The following MAGI1 variants were observed in gnomAD, a reference collection of about 807,000 sequenced individuals.
MAGI1 encodes membrane associated guanylate kinase, WW and PDZ domain containing 1, also known as membrane-associated guanylate kinase, WW and PDZ domain-containing protein 1.
MAGI1 carries 58 observed loss-of-function variants against 139.9 expected under a neutral mutation model. That is an observed-to-expected ratio of 0.41 (90% CI 0.34 to 0.52). The LOEUF is 0.52. Among genes scored for constraint, MAGI1 ranks in the 20% least tolerant of loss-of-function variants. MAGI1 has a pLI of 0.12. For synonymous variants in MAGI1, 812 were observed against 737.9 expected, an observed-to-expected ratio of 1.10 and a Z score of -1.63; for missense variants, 1,874 against 1,901.6, an observed-to-expected ratio of 0.99 and a Z score of 0.27.
rs191791051 is a variant in MAGI1, at chr3:65,831,199, C to T, written c.313+206797G>A. On this transcript the variant is annotated intron_variant, in intron 1 of 22. Transcript: ENST00000402939. ...AACCAGCACATTACTCTGCAACTTG[C>T]CACTGACTTAATGGACAACTTCAAG... Among the ~76,000 whole-genome samples the T allele has an allele frequency of 4.7e-4, 71 of 152,264 alleles. 1 individual carries two copies. The highest frequency in any genetic ancestry group is 1.7e-3 in the African/African-American group (71 of 41,548).
intron 10 of MAGI1, among the ~76,000 whole-genome samples, chr3:65,436,206 G>C (rs542226651): frequency 7.3e-5 from 11 of 150,650 alleles, no homozygotes; most frequent in Non-Finnish European, 1.6e-4. Flanking sequence ...TAAAATTAAA[G>C]AAATGAATTA....
intron 1 of MAGI1, among the ~76,000 whole-genome samples, chr3:65,773,916 AG>A (rs1177678312): frequency 6.6e-6 from 1 of 152,154 alleles, no homozygotes; most frequent in Non-Finnish European, 1.5e-5. Context: ...TTGCTGAACA[AG>A]GTACAAATTA....
At chr3:65,663,724 G>C (rs1217968500) in intron 1 of MAGI1, among the ~76,000 whole-genome samples, 3 of 152,130 alleles carry the variant, frequency 2.0e-5, no homozygotes, top group African/African-American at 4.8e-5. Flanking sequence ...CCGACATTTG[G>C]GGCTGCCTTG....
chr3:65,474,612 T>TACACACACAC lies in MAGI1; in HGVS notation c.757+3970_757+3979dup, dbSNP rs60798256. ...TAAATCAGAAGCTTCCAAGCTTTTA[T>TACACACACAC]ACACACACACACACACACACATGCA... is the stretch of plus-strand genomic sequence containing the variant. On this transcript the variant is annotated intron_variant, in intron 4 of 22. Coordinates refer to ENST00000402939, the MANE Select transcript of MAGI1 (RefSeq NM_001033057.2). Among the ~76,000 whole-genome samples the TACACACACAC allele has an allele frequency of 2.1e-4, 32 of 150,752 alleles. No individual in the cohort carries two copies. In the South Asian group the frequency reaches 2.9e-3, roughly 14 times the overall value.
At chr3:65,572,239 AT>A in intron 2 of MAGI1, among the ~76,000 whole-genome samples, 1 of 152,098 alleles carries the variant, frequency 6.6e-6, no homozygotes. Context: ...TAATTATCTC[AT>A]TTTTATAAAC....
At chr3:65,764,164 TATGATCAAC>T (rs1411135372) in intron 1 of MAGI1, among the ~76,000 whole-genome samples, 1 of 152,132 alleles carries the variant, frequency 6.6e-6, no homozygotes. Flanking sequence ...CGTTTCCTTT[TATGATCAAC>T]ATGAAATCCT....
chr3:65,789,656 A>G (rs750735826), intron 1 of MAGI1, among the ~76,000 whole-genome samples: 4 of 152,206 alleles, frequency 2.6e-5, no homozygotes, highest in Non-Finnish European at 5.9e-5. Flanking sequence ...TTTAAGTATT[A>G]AAGGACAGAA....
chr3:65,819,201 T>C (rs140718771), intron 1 of MAGI1, among the ~76,000 whole-genome samples: 1 of 152,082 alleles, frequency 6.6e-6, no homozygotes, highest in Non-Finnish European at 1.5e-5. Context: ...GGAGAATCAC[T>C]TGAACCTGGG....
At chr3:65,779,119 T>C (rs2038725277) in intron 1 of MAGI1, among the ~76,000 whole-genome samples, 1 of 152,240 alleles carries the variant, frequency 6.6e-6, no homozygotes, top group African/African-American at 2.4e-5. Flanking sequence ...TTCCAAAAGT[T>C]GTACTTTGCT....
chr3:65,867,663 G>T (rs1348755594), intron 1 of MAGI1, among the ~76,000 whole-genome samples: 1 of 152,138 alleles, frequency 6.6e-6, no homozygotes, highest in Non-Finnish European at 1.5e-5. Flanking sequence ...TGAGGTGGGA[G>T]AATTACATGA....
At chr3:65,784,501 A>G (rs2643732) in intron 1 of MAGI1, among the ~76,000 whole-genome samples, 28,205 of 152,170 alleles carry the variant, frequency 0.19, 2,901 homozygotes, top group South Asian at 0.38. Context: ...GCGAATCACG[A>G]GGTCAGGAGA....
At chr3:65,990,058 C>A (rs897034716) in intron 1 of MAGI1, among the ~76,000 whole-genome samples, 3 of 151,760 alleles carry the variant, frequency 2.0e-5, no homozygotes, top group Non-Finnish European at 2.9e-5. Context: ...GTCTAGAGAT[C>A]TGATGATGAT....
Position 65,834,866 on chromosome 3 carries a change from T to C in MAGI1, c.313+203130A>G, listed in dbSNP as rs72907577. Among the ~76,000 whole-genome samples the C allele has an allele frequency of 4.6e-5, 7 of 152,224 alleles. No homozygotes were observed. The South Asian group carries it at 1.4e-3, about 31-fold the overall frequency. On this transcript the variant is annotated intron_variant, in intron 1 of 22. Coordinates refer to ENST00000402939, the MANE Select transcript of MAGI1 (RefSeq NM_001033057.2). The stretch of plus-strand genomic sequence containing the variant: ...CTGTCTCTGGTAATTTTACTTGCTA[T>C]GAAGTCTACTTTATCTGACATTAAT...
chr3:65,443,265 T>C (rs771946940), intron 7 of MAGI1, among the ~76,000 whole-genome samples: 55 of 152,196 alleles, frequency 3.6e-4, no homozygotes, highest in Non-Finnish European at 6.6e-4. Context: ...AGTACAATAG[T>C]GTTGTTTTGC....
At chr3:65,481,294 C>T (rs1951271547) in intron 3 of MAGI1, among the ~76,000 whole-genome samples, 1 of 152,252 alleles carries the variant, frequency 6.6e-6, no homozygotes, top group Non-Finnish European at 1.5e-5. Context: ...TAGCACGTGT[C>T]AAACAAGAAA....
At chr3:65,509,710 G>C (rs1355534606) in intron 2 of MAGI1, among the ~76,000 whole-genome samples, 1 of 152,058 alleles carries the variant, frequency 6.6e-6, no homozygotes, top group Non-Finnish European at 1.5e-5. Context: ...ACTGCAAGGC[G>C]GCAACGAGGC....
chr3:65,496,713 A>G (rs1952484333), intron 2 of MAGI1, among the ~76,000 whole-genome samples: 1 of 152,230 alleles, frequency 6.6e-6, no homozygotes, highest in African/African-American at 2.4e-5. Flanking sequence ...TAGCTAATGC[A>G]TGTGGGGCTT....
intron 13 of MAGI1, among the ~76,000 whole-genome samples, chr3:65,395,498 C>T (rs1468088149): frequency 6.6e-6 from 1 of 150,910 alleles, no homozygotes; most frequent in Non-Finnish European, 1.5e-5. Flanking sequence ...AAAAATTACC[C>T]AGGTGTGGTG....
chr3:65,911,992 G>T (rs1022268679), intron 1 of MAGI1, among the ~76,000 whole-genome samples: 4 of 152,154 alleles, frequency 2.6e-5, no homozygotes, highest in Non-Finnish European at 5.9e-5. Context: ...TGGACAAACT[G>T]AGATTTAAAT....
Sources: gnomAD v4.1 joint callset for allele counts (sites outside exome capture counted in the v4.1 genomes callset) on GRCh38, gnomAD v4.1.1 for gene constraint, MANE v1.5 for transcripts, NCBI Gene and HGNC (gene_info 2026-07-23, HGNC 2026-07-21) for gene names.